SPATA9: variants seen among roughly 807,000 people sequenced by gnomAD.
SPATA9 encodes spermatogenesis-associated protein 9.
A neutral mutation model predicts 25.5 loss-of-function variants in SPATA9; 27 were observed. The ratio of observed to expected loss-of-function variants is 1.06; its 90% CI spans 0.78 to 1.46. The LOEUF is 1.46. Among genes scored for constraint, SPATA9 ranks in the 40% most tolerant of loss-of-function variants. SPATA9 has a pLI of 0.00. For missense variants in SPATA9, 282 were observed against 297.5 expected (o/e 0.95, Z 0.38); for synonymous variants, 102 against 105.7 (o/e 0.97, Z 0.21).
intron 2 of SPATA9, among the ~76,000 whole-genome samples, chr5:95,677,295 T>A (rs1478371562): frequency 6.6e-6 from 1 of 152,228 alleles, no homozygotes; most frequent in Non-Finnish European, 1.5e-5. Context: ...AGAGCCAAAG[T>A]AGTGTCTGGC....
chr5:95,692,240 T>C (rs1753913021), intron 1 of SPATA9, among the ~76,000 whole-genome samples: 1 of 152,146 alleles, frequency 6.6e-6, no homozygotes, highest in South Asian at 2.1e-4. Flanking sequence ...AAATTTCTTT[T>C]TCTTTCTTAA....
upstream of SPATA9, among the ~76,000 whole-genome samples, chr5:95,700,055 A>C (rs1754138153): frequency 6.6e-6 from 1 of 151,846 alleles, no homozygotes; most frequent in South Asian, 2.1e-4. Context: ...GAGCGTCAAG[A>C]AGAAAAAACT....
At chr5:95,669,544 A>G (rs982962400) in intron 3 of SPATA9, among the ~76,000 whole-genome samples, 1 of 152,186 alleles carries the variant, frequency 6.6e-6, no homozygotes, top group African/African-American at 2.4e-5. Context: ...TTTGGTCCCT[A>G]TCTTATTCTA....
chr5:95,727,677 A>G, the SPATA9 span, among the ~76,000 whole-genome samples: 1 of 152,234 alleles, frequency 6.6e-6, no homozygotes, highest in Non-Finnish European at 1.5e-5. Context: ...GAGAAACTGC[A>G]AATACATAAA....
upstream of SPATA9, among the ~76,000 whole-genome samples, chr5:95,699,244 A>T (rs891227620): frequency 5.3e-5 from 8 of 152,362 alleles, no homozygotes; most frequent in African/African-American, 1.9e-4. Context: ...AATGTGGCAC[A>T]TTTGTAAATC....
chr5:95,708,947 TA>T, the SPATA9 span: 2 of 252,100 alleles, frequency 7.9e-6, no homozygotes, highest in South Asian at 1.2e-4. Flanking sequence ...TCACCCGACT[TA>T]GGCGCAGTTT....
At chr5:95,672,684 G>A (rs1369555157) in intron 3 of SPATA9, among the ~76,000 whole-genome samples, 1 of 152,130 alleles carries the variant, frequency 6.6e-6, no homozygotes, top group Non-Finnish European at 1.5e-5. Context: ...TAGTCCCTAA[G>A]CCTGTTTTTC....
At chr5:95,732,061 G>A in the SPATA9 span, 1 of 1,614,228 alleles carries the variant, frequency 6.2e-7, no homozygotes, top group Non-Finnish European at 8.5e-7. Context: ...TGTCAAGCTG[G>A]TGGTCCACGA....
At chr5:95,662,176 A>G (rs559109132) in intron 4 of SPATA9, among the ~76,000 whole-genome samples, 1 of 152,174 alleles carries the variant, frequency 6.6e-6, no homozygotes, top group Non-Finnish European at 1.5e-5. Flanking sequence ...ACAATAGAAA[A>G]AGGGCTTTTT....
chr5:95,722,902 G>C, the SPATA9 span, among the ~76,000 whole-genome samples: 1 of 152,210 alleles, frequency 6.6e-6, no homozygotes, highest in South Asian at 2.1e-4. Context: ...AGGGAGTTCT[G>C]ATTCAAAGAA....
At chr5:95,708,286 C>A in the SPATA9 span, among the ~76,000 whole-genome samples, 1 of 152,046 alleles carries the variant, frequency 6.6e-6, no homozygotes, top group Non-Finnish European at 1.5e-5. Context: ...GCCGGATTGG[C>A]TTGCATGGGC....
chr5:95,675,719 A>G (rs1195498721), intron 2 of SPATA9, 80 bp from the exon 3 acceptor site: 10 of 1,121,438 alleles, frequency 8.9e-6, no homozygotes, highest in Admixed American at 4.1e-5. Context: ...GAGACTGACT[A>G]CTATATAACT....
chr5:95,654,298 T>A, downstream of SPATA9: 1 of 1,610,104 alleles, frequency 6.2e-7, no homozygotes, highest in South Asian at 1.1e-5. Flanking sequence ...TTTCAGTTTT[T>A]TAGTGACTGC....
the SPATA9 span, among the ~76,000 whole-genome samples, chr5:95,716,249 C>T: frequency 7.2e-4 from 110 of 152,316 alleles, no homozygotes; most frequent in South Asian, 2.7e-3. Flanking sequence ...AAGCCACAGA[C>T]GCTCAACGCC....
At chr5:95,729,561 C>T in the SPATA9 span, among the ~76,000 whole-genome samples, 3 of 152,142 alleles carry the variant, frequency 2.0e-5, no homozygotes, top group Admixed American at 6.5e-5. Context: ...AATGTTCTAG[C>T]GTTCAGTTCT....
chr5:95,710,539 TTAGA>T, the SPATA9 span, among the ~76,000 whole-genome samples: 6 of 152,184 alleles, frequency 3.9e-5, no homozygotes, highest in African/African-American at 1.4e-4. Flanking sequence ...ATCCAGTCTC[TTAGA>T]TAAATAGGCC....
chr5:95,685,607 G>A (rs1189445865), upstream of SPATA9, among the ~76,000 whole-genome samples: 4 of 152,158 alleles, frequency 2.6e-5, no homozygotes, highest in South Asian at 4.1e-4. Flanking sequence ...GTTTAAAAAC[G>A]TCAAAGTAAT....
chr5:95,690,837 A>T (rs1452384600), intron 1 of SPATA9, among the ~76,000 whole-genome samples: 1 of 152,244 alleles, frequency 6.6e-6, no homozygotes, highest in Non-Finnish European at 1.5e-5. Flanking sequence ...AAAGCAAATT[A>T]CCTTTTAAAA....
chr5:95,657,484 A>G (rs938459022), downstream of SPATA9: 35 of 152,042 alleles, frequency 2.3e-4, no homozygotes, highest in African/African-American at 8.0e-4. Flanking sequence ...AGTGAGAAGA[A>G]CTGTCAAGAT....
Sources: gnomAD v4.1 joint callset for allele counts (sites outside exome capture counted in the v4.1 genomes callset) on GRCh38, gnomAD v4.1.1 for gene constraint, MANE v1.5 for transcripts, NCBI Gene and HGNC (gene_info 2026-07-23, HGNC 2026-07-21) for gene names.